Variants in MAGI2 observed in about 807,000 individuals in gnomAD.
MAGI2 encodes membrane associated guanylate kinase, WW and PDZ domain containing 2.
MAGI2 carries 35 observed loss-of-function variants against 133.3 expected under a neutral mutation model. The ratio of observed to expected loss-of-function variants is 0.26; its 90% CI spans 0.20 to 0.35. The LOEUF is 0.35. Ranked by LOEUF, MAGI2 falls within the 10% of genes least tolerant of loss-of-function variation. MAGI2 has a pLI of 1.00. For missense variants in MAGI2, 1,636 were observed against 1,863.4 expected (o/e 0.88, Z 2.25); for synonymous variants, 729 against 710.6 (o/e 1.03, Z -0.41).
intron 1 of MAGI2, among the ~76,000 whole-genome samples, chr7:79,191,241 G>A (rs1374972750): frequency 1.3e-5 from 2 of 151,368 alleles, no homozygotes; most frequent in Admixed American, 1.3e-4. Flanking sequence ...TTTAGGTTGT[G>A]TTAAATTTAG....
chr7:78,346,603 G>A (rs1790934995), intron 7 of MAGI2, among the ~76,000 whole-genome samples: 1 of 152,168 alleles, frequency 6.6e-6, no homozygotes, highest in African/African-American at 2.4e-5. Context: ...TCAAGCAAAA[G>A]TAGAGAATTC....
At chr7:78,375,420 G>T (rs773792787) in intron 6 of MAGI2, among the ~76,000 whole-genome samples, 3 of 152,006 alleles carry the variant, frequency 2.0e-5, no homozygotes, top group African/African-American at 7.2e-5. Flanking sequence ...TTGTATGGAG[G>T]TCTATTCTGG....
chr7:78,065,714 C>A (rs1357796008), intron 21 of MAGI2: 6 of 585,706 alleles, frequency 1.0e-5, no homozygotes, highest in African/African-American at 3.8e-5. Context: ...TTAACAGAAC[C>A]AGTAACAAAG....
At chr7:78,091,846 G>A (rs577109099) in intron 20 of MAGI2, among the ~76,000 whole-genome samples, 1 of 152,282 alleles carries the variant, frequency 6.6e-6, no homozygotes, top group South Asian at 2.1e-4. Flanking sequence ...GTTAACCTTT[G>A]GGACATTGTT....
intron 1 of MAGI2, chr7:79,414,442 A>G (rs1216051219): frequency 6.6e-6 from 1 of 152,072 alleles, no homozygotes; most frequent in Non-Finnish European, 1.5e-5. Context: ...TTTAGTTCAG[A>G]CTGTACACAA....
intron 6 of MAGI2, among the ~76,000 whole-genome samples, chr7:78,482,925 G>T (rs10277049): frequency 7.4e-6 from 1 of 135,154 alleles, no homozygotes; most frequent in Admixed American, 7.2e-5. Context: ...ACACACACAC[G>T]AGTACTTGTA....
intron 3 of MAGI2, among the ~76,000 whole-genome samples, chr7:78,561,337 A>T (rs570414413): frequency 6.6e-6 from 1 of 152,312 alleles, no homozygotes; most frequent in East Asian, 1.9e-4. Context: ...TAAATAGCTT[A>T]GTAACTGTGA....
chr7:78,168,117 G>A lies in MAGI2; in HGVS notation c.2404-9C>T, dbSNP rs763292287. The A allele has an allele frequency of 1.2e-6, 2 of 1,610,128 alleles. No homozygotes were observed. Among genetic ancestry groups the A allele is most frequent in the South Asian group, 1.1e-5 (1 of 90,916 alleles). On this transcript the variant is annotated splice_polypyrimidine_tract_variant and intron_variant, in intron 14 of 21. Transcript: ENST00000354212. The stretch of plus-strand genomic sequence containing the variant: ...ACAGCTCCAATCAAAATCTAGAGAA[G>A]CAGTGAGAAGGAAAGGACATTCACA...
intron 18 of MAGI2, among the ~76,000 whole-genome samples, chr7:78,130,989 C>G (rs1370561481): frequency 1.3e-5 from 2 of 152,178 alleles, no homozygotes; most frequent in Non-Finnish European, 2.9e-5. Context: ...AGCTCACCCA[C>G]TCAAGGCTGG....
chr7:79,144,697 G>A (rs926666507), intron 1 of MAGI2, among the ~76,000 whole-genome samples: 1 of 152,118 alleles, frequency 6.6e-6, no homozygotes, highest in East Asian at 1.9e-4. Context: ...CAGGTGACAG[G>A]CATTATTACT....
chr7:78,366,931 G>C (rs928388552), intron 7 of MAGI2, among the ~76,000 whole-genome samples: 2 of 151,982 alleles, frequency 1.3e-5, no homozygotes, highest in Non-Finnish European at 2.9e-5. Context: ...GACCCACTGT[G>C]ACCTGTATAT....
At chr7:79,430,150 C>T (rs1003978529) in intron 1 of MAGI2, among the ~76,000 whole-genome samples, 1 of 151,936 alleles carries the variant, frequency 6.6e-6, no homozygotes, top group African/African-American at 2.4e-5. Context: ...TAGGAAATAT[C>T]CAGATTTTAT....
chr7:78,450,104 C>T (rs140021279), intron 6 of MAGI2, among the ~76,000 whole-genome samples: 1,597 of 151,888 alleles, frequency 0.011, 23 homozygotes, highest in African/African-American at 0.035. Context: ...TTTAACATTC[C>T]CATGACTTTC....
At chr7:79,063,004 G>T (rs1316515378) in intron 1 of MAGI2, among the ~76,000 whole-genome samples, 1 of 152,066 alleles carries the variant, frequency 6.6e-6, no homozygotes, top group African/African-American at 2.4e-5. Flanking sequence ...TCCTTATGCT[G>T]CTTGATAAAC....
intron 2 of MAGI2, among the ~76,000 whole-genome samples, chr7:78,646,625 A>C (rs1366482799): frequency 1.3e-5 from 2 of 152,218 alleles, no homozygotes; most frequent in Non-Finnish European, 2.9e-5. Flanking sequence ...TCACTATGCT[A>C]TCTATACTTG....
chr7:79,056,659 A>G (rs2117032436), intron 1 of MAGI2, among the ~76,000 whole-genome samples: 1 of 152,304 alleles, frequency 6.6e-6, no homozygotes, highest in Admixed American at 6.5e-5. Context: ...ATTGTTTAAC[A>G]TTTTCAGCTT....
chr7:78,766,800 T>G (rs972468595), intron 2 of MAGI2, among the ~76,000 whole-genome samples: 5 of 152,180 alleles, frequency 3.3e-5, no homozygotes, highest in African/African-American at 9.6e-5. Context: ...ATAATGCACT[T>G]CTTCTGGAAA....
chr7:78,349,370 C>T (rs1457225119), intron 7 of MAGI2, among the ~76,000 whole-genome samples: 1 of 152,122 alleles, frequency 6.6e-6, no homozygotes, highest in African/African-American at 2.4e-5. Context: ...TTTCTTGTTT[C>T]CTATCTGTTC....
intron 1 of MAGI2, among the ~76,000 whole-genome samples, chr7:79,295,707 C>A (rs1033903257): frequency 6.6e-6 from 1 of 151,720 alleles, no homozygotes; most frequent in Non-Finnish European, 1.5e-5. Flanking sequence ...GCTAGCTTTA[C>A]GAAAGCAGGA....
Sources: allele counts gnomAD v4.1 joint callset (sites outside exome capture counted in the v4.1 genomes callset), GRCh38; gene constraint gnomAD v4.1.1; transcripts MANE v1.5; gene names NCBI Gene and HGNC (gene_info 2026-07-23, HGNC 2026-07-21).